Variants in BRME1 observed in about 807,000 individuals in gnomAD.
BRME1 encodes the protein break repair meiotic recombinase recruitment factor 1, also known as BRCA2 and MEILB2-associating protein 1.
Under a neutral mutation model 52.6 loss-of-function variants are expected in BRME1, and 31 were observed. The ratio of observed to expected loss-of-function variants is 0.59; its 90% confidence interval spans 0.44 to 0.80. The LOEUF is 0.80. Ranked by LOEUF, BRME1 falls within the 30% of genes least tolerant of loss-of-function variation. BRME1 has a pLI of 0.00. For synonymous variants in BRME1, 359 were observed against 353.6 expected, an observed-to-expected ratio of 1.02 and a Z score of -0.17; for missense variants, 804 against 860.3, an observed-to-expected ratio of 0.93 and a Z score of 0.82.
At chr19:13,892,681 G>A (rs936449379) in intron 5 of BRME1, 105 bp downstream of exon 5, 1 of 791,300 alleles carries the variant, frequency 1.3e-6, no homozygotes, top group African/African-American at 1.7e-5. Context: ...GAGAGGTGCA[G>A]GCCTCACCAT....
chr19:13,893,335 C>A, intron 3 of BRME1, 112 bp from the exon 4 acceptor site: 1 of 799,058 alleles, frequency 1.3e-6, no homozygotes, highest in Non-Finnish European at 2.0e-6. Flanking sequence ...GCCAGGAGTT[C>A]GAGACCAACC....
Position 13,889,295 on chromosome 19 carries a change from C to T in BRME1, c.1561G>A (p.Asp521Asn), listed in dbSNP as rs539885338. 5 of 1,614,062 alleles carry T rather than the reference C, an allele frequency of 3.1e-6. No homozygotes were observed. The African/African-American group carries it at 6.7e-5, about 22-fold the overall frequency. ...AAAGAGTCTGCCCAGGTGCCCTGGT[C>T]TGCAGAATGAGGCAGGTGGTCTCGC... is the stretch of plus-strand genomic sequence containing the variant. The part of the protein sequence containing the change: ...GQRDHLPHSA[D>N]QGTWADSLAV... Residue 521 changes from aspartate to asparagine, a missense_variant, in exon 6 of 9, where the codon GAC (aspartate) becomes AAC (asparagine). Asp to Asn is a conservative substitution (Grantham distance 23). Transcript: ENST00000586783.
At chr19:13,887,839 C>T (rs941046057) in intron 6 of BRME1, among the ~76,000 whole-genome samples, 2 of 151,734 alleles carry the variant, frequency 1.3e-5, no homozygotes, top group African/African-American at 4.8e-5. Context: ...TCTCGGCTCA[C>T]TGCAACCTCA....
At chr19:13,893,302 G>T (rs1969649837) in intron 3 of BRME1, 79 bp from the exon 4 acceptor site, 3 of 1,249,838 alleles carry the variant, frequency 2.4e-6, no homozygotes, top group African/African-American at 3.1e-5. Flanking sequence ...ACTTTGGGCG[G>T]CTGAGGCGGG....
chr19:13,901,068 G>C (rs1236110112), intron 2 of BRME1, among the ~76,000 whole-genome samples: 3 of 152,040 alleles, frequency 2.0e-5, no homozygotes, highest in Non-Finnish European at 4.4e-5. Flanking sequence ...GAACTCCTCA[G>C]CTCAAGCCAT....
Position 13,889,223 on chromosome 19 carries a change from G to T in BRME1, c.1633C>A (p.Leu545Met). The T allele has an allele frequency of 6.2e-7, 1 of 1,609,064 alleles. No individual in the cohort carries two copies. The highest frequency in any genetic ancestry group is 8.5e-7 in the Non-Finnish European group (1 of 1,177,188). ...FLLDSQIQDA[L>M]DASDFEAPPE... ...GGGGCTTCGAAGTCAGAGGCGTCCA[G>T]GGCATCCTGTATCTGGCTGTCCAGC... Residue 545 changes from leucine (L) to methionine (M), a missense_variant, in exon 6 of 9, where the codon CTG becomes ATG. Physicochemically the swap from Leu to Met is conservative, Grantham distance 15. This residue lies in a region of BRME1 where 552 missense variants were observed against 561.1 expected (regional missense o/e 0.98). Coordinates refer to ENST00000586783, the MANE Select transcript of BRME1 (RefSeq NM_001345843.2).
intron 2 of BRME1, among the ~76,000 whole-genome samples, chr19:13,899,341 G>A (rs1316576580): frequency 6.6e-6 from 1 of 151,816 alleles, no homozygotes; most frequent in East Asian, 1.9e-4. Context: ...AGTAGAGACG[G>A]GTTTTCACCA....
At chr19:13,887,406 T>C (rs746183866) in intron 6 of BRME1, among the ~76,000 whole-genome samples, 6 of 152,202 alleles carry the variant, frequency 3.9e-5, no homozygotes, top group Non-Finnish European at 8.8e-5. Flanking sequence ...GAAAGGCTGC[T>C]AATGCTGGTC....
At chr19:13,896,038 G>A (rs1969864007) in intron 2 of BRME1, among the ~76,000 whole-genome samples, 1 of 152,236 alleles carries the variant, frequency 6.6e-6, no homozygotes, top group Non-Finnish European at 1.5e-5. Flanking sequence ...GGGAGGCCGA[G>A]GCGGGTGGAT....
In BRME1 at chr19:13,889,581, G is replaced by A. The variant is rs372100801; in HGVS notation, c.1275C>T (p.Ser425=). 77 of 1,612,184 alleles carry A rather than the reference G, an allele frequency of 4.8e-5. 1 individual carries two copies. The South Asian group carries it at 5.1e-4, about 11-fold the overall frequency. ...CTCCAGCACCCATCATGGACTCTCC[G>A]CTCCCAGGTGCCAGAGCCAGGGAGG... is the stretch of plus-strand genomic sequence containing the variant. ...PTASLALAPG[S]GESMMGAGDS... The change falls in exon 6 of 9, where the codon AGC becomes AGT. Residue 425 remains serine (S), a synonymous_variant. Coordinates refer to ENST00000586783, the MANE Select transcript of BRME1 (RefSeq NM_001345843.2).
At chr19:13,892,595 A>G (rs568095353) in intron 5 of BRME1, among the ~76,000 whole-genome samples, 191 bp downstream of exon 5, 8 of 152,332 alleles carry the variant, frequency 5.3e-5, no homozygotes, top group Admixed American at 3.3e-4. Flanking sequence ...TCTCAAAAAA[A>G]AGAAAAAAAA....
At chr19:13,904,593 C>T (rs144268196) in intron 2 of BRME1, among the ~76,000 whole-genome samples, 1,564 of 151,978 alleles carry the variant, frequency 0.01, 27 homozygotes, top group African/African-American at 0.036. Context: ...AGGCATGTGC[C>T]ACAACACCTG....
chr19:13,890,195 T>C lies in BRME1; in HGVS notation c.661A>G (p.Lys221Glu). Reference protein sequence around the residue: ...HLSEQGADDSKPETDRVPGDG... With the variant: ...HLSEQGADDSEPETDRVPGDG... Reference sequence around the variant, plus strand: ...CCTGGAACCCTGTCTGTCTCAGGCTTGCTGTCATCGGCCCCTTGTTCTGAC... The same window carrying C: ...CCTGGAACCCTGTCTGTCTCAGGCTCGCTGTCATCGGCCCCTTGTTCTGAC... Residue 221 changes from lysine (K) to glutamate (E), a missense_variant, in exon 6 of 9, where the codon AAG becomes GAG. Transcript: ENST00000586783. The C allele has an allele frequency of 5.0e-6, 8 of 1,614,238 alleles. No homozygotes were observed. Among genetic ancestry groups the C allele is most frequent in the Non-Finnish European group, 6.8e-6 (8 of 1,180,042 alleles).
At chr19:13,900,322 G>T (rs1438526115) in intron 2 of BRME1, among the ~76,000 whole-genome samples, 1 of 152,142 alleles carries the variant, frequency 6.6e-6, no homozygotes, top group African/African-American at 2.4e-5. Flanking sequence ...AGCACACACA[G>T]AAAGGGTTGT....
intron 6 of BRME1, among the ~76,000 whole-genome samples, chr19:13,887,770 C>CTTT (rs35586400): frequency 1.4e-5 from 2 of 143,018 alleles, no homozygotes; most frequent in African/African-American, 5.2e-5. Context: ...CTGTGACTCA[C>CTTT]TTTTTTTTTT....
intron 7 of BRME1, chr19:13,885,001 T>A (rs1599314644): frequency 6.6e-6 from 1 of 152,454 alleles, no homozygotes; most frequent in East Asian, 1.9e-4. Context: ...GATTCAGATG[T>A]GAACCCTCCC....
Position 13,889,704 on chromosome 19 carries a change from CA to C in BRME1, c.1151del (p.Leu384CysfsTer29). 1 of 1,609,008 alleles carries C rather than the reference CA, an allele frequency of 6.2e-7. No individual in the cohort carries two copies. Among genetic ancestry groups the C allele is most frequent in the Non-Finnish European group, 8.5e-7 (1 of 1,178,350 alleles). On this transcript the variant is annotated frameshift_variant, in exon 6 of 9. Transcript: ENST00000586783. LOFTEE classifies it high-confidence loss of function. ...KAADGGHRRA[L>X]PGCTSLTGET... ...CCCCAGTGAGCGAGGTGCAGCCTGG[CA>C]AGGCCCTCCTGTGGCCTCCATCAGC...
chr19:13,894,626 T>C (rs1334735032), intron 3 of BRME1, among the ~76,000 whole-genome samples: 1 of 152,200 alleles, frequency 6.6e-6, no homozygotes, highest in Non-Finnish European at 1.5e-5. Context: ...TTACACAGGC[T>C]CCTCTTGAAC....
In BRME1 at chr19:13,892,805, C is replaced by T. The variant is rs1173710465; in HGVS notation, c.374G>A (p.Gly125Glu). Reference protein sequence around the residue: ...RKEEMKDEDRGSGAFSLETIA... With the variant: ...RKEEMKDEDRESGAFSLETIA... ...CCTTACCAGGCTAAAGGCCCCACTC[C>T]CACGGTCCTCATCCTTCATCTCTTC... The change falls in exon 5 of 9, where the codon GGG (glycine) becomes GAG (glutamate). Residue 125 changes from glycine (G) to glutamate (E), a missense_variant. By Grantham distance (98) the Gly-to-Glu change is moderately conservative (BLOSUM62 -2). Transcript: ENST00000586783. 1.2e-6 allele frequency: 2 copies of T among 1,614,024 alleles called. No individual in the cohort carries two copies. The highest frequency in any genetic ancestry group is 1.7e-6 in the Non-Finnish European group (2 of 1,179,984).
Sources: gnomAD v4.1 joint callset for allele counts (sites outside exome capture counted in the v4.1 genomes callset) on GRCh38, gnomAD v4.1.1 for gene constraint, gnomAD v4.1.1 regional missense constraint, MANE v1.5 for transcripts, NCBI Gene and HGNC (gene_info 2026-07-23, HGNC 2026-07-21) for gene names.